ZNF385D: variants seen among roughly 807,000 people sequenced by gnomAD.
ZNF385D encodes the protein zinc finger protein 659.
ZNF385D carries 15 observed loss-of-function variants against 35.8 expected under a neutral mutation model. The observed-to-expected ratio is 0.42, with a 90% CI of 0.28 to 0.64. ZNF385D has a LOEUF of 0.64. Among genes scored for constraint, ZNF385D ranks in the 30% least tolerant of loss-of-function variants. ZNF385D has a pLI of 0.23. For missense variants in ZNF385D, 474 were observed against 494.6 expected, an observed-to-expected ratio of 0.96 and a Z score of 0.39; for synonymous variants, 212 against 186.8, an observed-to-expected ratio of 1.13 and a Z score of -1.10.
intron 1 of ZNF385D, among the ~76,000 whole-genome samples, chr3:21,744,435 A>G (rs1285381982): frequency 6.6e-6 from 1 of 152,222 alleles, no homozygotes; most frequent in Non-Finnish European, 1.5e-5. Context: ...TGCAAATTGT[A>G]GGCAAAATTG....
At chr3:22,077,156 T>C (rs1438009249) in intron 3 of ZNF385D, among the ~76,000 whole-genome samples, 4 of 151,958 alleles carry the variant, frequency 2.6e-5, no homozygotes, top group South Asian at 2.1e-4. Context: ...AGCAGAGGTA[T>C]TGCTATAGTT....
At chr3:21,757,134 T>TTTTTTTTTGTTTTTG (rs1553654008) in intron 3 of ZNF385D, among the ~76,000 whole-genome samples, 7 of 128,226 alleles carry the variant, frequency 5.5e-5, no homozygotes, top group African/African-American at 2.1e-4. Flanking sequence ...TTTTTTTTTT[T>TTTTTTTTTGTTTTTG]TTTTTGTTTT....
intron 1 of ZNF385D, among the ~76,000 whole-genome samples, chr3:21,674,895 AATGGATGG>A (rs150113836): frequency 3.8e-4 from 57 of 150,428 alleles, no homozygotes; most frequent in South Asian, 3.2e-3. Flanking sequence ...TTGTTTTAGA[AATGGATGG>A]ATGGATGGAT....
chr3:21,596,038 A>C (rs2064119677), intron 2 of ZNF385D, among the ~76,000 whole-genome samples: 1 of 152,222 alleles, frequency 6.6e-6, no homozygotes, highest in Admixed American at 6.5e-5. Context: ...TTTATTTTTC[A>C]GGTGGTAAGA....
chr3:21,593,068 T>C (rs1259120951), intron 2 of ZNF385D, among the ~76,000 whole-genome samples: 2 of 152,128 alleles, frequency 1.3e-5, no homozygotes, highest in Non-Finnish European at 2.9e-5. Flanking sequence ...CCGGGAATAA[T>C]AGCTTCAGGT....
intron 1 of ZNF385D, among the ~76,000 whole-genome samples, chr3:21,729,550 T>C (rs951854645): frequency 6.6e-6 from 1 of 152,130 alleles, no homozygotes; most frequent in Admixed American, 6.5e-5. Context: ...CCCCACAAGG[T>C]ACTTTAAAGA....
At chr3:21,421,987 C>T (rs751208428) in intron 7 of ZNF385D, among the ~76,000 whole-genome samples, 13 of 152,270 alleles carry the variant, frequency 8.5e-5, no homozygotes, top group Middle Eastern at 3.4e-3. Context: ...CTTTTCTCCC[C>T]TAAATTTTGA....
At chr3:22,206,179 A>G (rs187097015) in intron 2 of ZNF385D, among the ~76,000 whole-genome samples, 241 of 152,184 alleles carry the variant, frequency 1.6e-3, no homozygotes, top group Middle Eastern at 3.4e-3. Context: ...ATAAAAAGAG[A>G]CAAAGAGGTC....
intron 3 of ZNF385D, among the ~76,000 whole-genome samples, chr3:21,547,333 A>G (rs1033336948): frequency 6.6e-6 from 1 of 152,066 alleles, no homozygotes; most frequent in African/African-American, 2.4e-5. Flanking sequence ...GCAAACTGGT[A>G]AAAGGCCTTG....
intron 3 of ZNF385D, among the ~76,000 whole-genome samples, chr3:22,108,550 G>A (rs1427176610): frequency 1.3e-5 from 2 of 152,062 alleles, no homozygotes; most frequent in Non-Finnish European, 2.9e-5. Flanking sequence ...GTGGAACTAA[G>A]GATTTTACAT....
At chr3:21,803,057 A>G (rs961892360) in intron 3 of ZNF385D, among the ~76,000 whole-genome samples, 4 of 152,178 alleles carry the variant, frequency 2.6e-5, no homozygotes, top group African/African-American at 9.6e-5. Context: ...GTCTAACTTC[A>G]AGGCAAGATG....
intron 2 of ZNF385D, among the ~76,000 whole-genome samples, chr3:21,632,229 A>C (rs913555914): frequency 6.6e-6 from 1 of 152,142 alleles, no homozygotes; most frequent in South Asian, 2.1e-4. Context: ...GATGGATACT[A>C]AATAAATTTG....
intron 2 of ZNF385D, among the ~76,000 whole-genome samples, chr3:21,565,048 G>C (rs971568831): frequency 2.0e-5 from 3 of 152,094 alleles, no homozygotes; most frequent in African/African-American, 7.2e-5. Context: ...CTATACCATT[G>C]CCCAAAAATG....
chr3:21,610,283 A>C (rs1180364219), intron 2 of ZNF385D, among the ~76,000 whole-genome samples: 2 of 152,092 alleles, frequency 1.3e-5, no homozygotes, highest in Non-Finnish European at 2.9e-5. Context: ...CAAAGATGTG[A>C]CTCTAAAACT....
intron 2 of ZNF385D, among the ~76,000 whole-genome samples, chr3:22,179,681 G>T (rs999128686): frequency 6.6e-6 from 1 of 152,158 alleles, no homozygotes; most frequent in Non-Finnish European, 1.5e-5. Flanking sequence ...GAAAGGGAAT[G>T]GTTCCAGTTT....
At chr3:22,199,779 G>T (rs1409175281) in intron 2 of ZNF385D, among the ~76,000 whole-genome samples, 3 of 151,986 alleles carry the variant, frequency 2.0e-5, no homozygotes, top group East Asian at 1.9e-4. Flanking sequence ...AAACTGAAGA[G>T]AATTAATACC....
At chr3:21,918,033 G>A (rs1700274931) in intron 3 of ZNF385D, among the ~76,000 whole-genome samples, 1 of 152,186 alleles carries the variant, frequency 6.6e-6, no homozygotes, top group South Asian at 2.1e-4. Flanking sequence ...GAGGACTTTT[G>A]TGCTTTGACT....
At chr3:22,209,421 A>C (rs1362042551) in intron 2 of ZNF385D, among the ~76,000 whole-genome samples, 1 of 151,916 alleles carries the variant, frequency 6.6e-6, no homozygotes, top group Non-Finnish European at 1.5e-5. Flanking sequence ...ACATTTAGTA[A>C]AAACATTGTG....
In ZNF385D at chr3:21,533,224, T is replaced by C. The variant is rs537885813; in HGVS notation, c.277-22201A>G. On this transcript the variant is annotated intron_variant, in intron 3 of 7. Coordinates refer to ENST00000281523, the MANE Select transcript of ZNF385D (RefSeq NM_024697.3). ...GGACTGGGAAATAAGCACTTCACCA[T>C]TTAACATGAGCAGAGGAAGTCACTT... Among the ~76,000 whole-genome samples, 6 of 152,204 alleles carry C rather than the reference T, an allele frequency of 3.9e-5. No homozygotes were observed. In the East Asian group the frequency reaches 1.2e-3, roughly 29 times the overall value.
Sources: gnomAD v4.1 joint callset for allele counts (sites outside exome capture counted in the v4.1 genomes callset) on GRCh38, gnomAD v4.1.1 for gene constraint, MANE v1.5 for transcripts, NCBI Gene and HGNC (gene_info 2026-07-23, HGNC 2026-07-21) for gene names.